The following FADS1 variants were observed in gnomAD, a reference collection of about 807,000 sequenced individuals.
FADS1 encodes fatty acid desaturase 1, also known as acyl-CoA (8-3)-desaturase.
Under a neutral mutation model 61.6 loss-of-function variants are expected in FADS1, and 17 were observed. That is an observed-to-expected ratio of 0.28 (90% CI 0.19 to 0.41). FADS1 has a LOEUF of 0.41. FADS1 is among the 10% of genes least tolerant of loss of function. The pLI is 1.00. For missense variants in FADS1, 387 were observed against 650.9 expected (o/e 0.59, Z 4.41); for synonymous variants, 238 against 258.7 (o/e 0.92, Z 0.77).
At position 61,810,883 on chromosome 11, in the gene FADS1, C is replaced by T. The variant is rs111407349; in HGVS notation, c.787-4G>A. On this transcript the variant is annotated splice_polypyrimidine_tract_variant and splice_region_variant and intron_variant, in intron 4 of 11. Transcript: ENST00000350997. ...TCCACCAACTGGCGGGGGCCCCCTA[C>T]AGAAAAGCAGGGACACGAGTATGAA... The T allele has an allele frequency of 1.9e-6, 3 of 1,614,168 alleles. No individual in the cohort carries two copies. Among genetic ancestry groups the T allele is most frequent in the Non-Finnish European group, 8.5e-7 (1 of 1,180,014 alleles).
At position 61,803,425 on chromosome 11, in the gene FADS1, G is replaced by C; in HGVS notation, c.1186C>G (p.Gln396Glu). The C allele has an allele frequency of 6.2e-7, 1 of 1,614,156 alleles. No homozygotes were observed. The highest frequency in any genetic ancestry group is 8.5e-7 in the Non-Finnish European group (1 of 1,180,004). Residue 396 changes from glutamine to glutamate, a missense_variant, in exon 9 of 12, where the codon CAG (glutamine) becomes GAG (glutamate). By Grantham distance (29) the Gln-to-Glu change is conservative. Around this residue, in one of 2 missense-constraint regions of FADS1, gnomAD observed 257 missense variants for 533.3 expected, o/e 0.48. Coordinates refer to ENST00000350997, the MANE Select transcript of FADS1 (RefSeq NM_013402.7). This position sits in a 1 kb window ranked among gnomAD's most constrained non-coding sequence, Gnocchi z 4.3. ...ATGTGCATGGGAATATGGTTCATCTGTGTCACCCACACAAACCAGTTGCTT... is the reference window on the plus strand; with the variant it reads ...ATGTGCATGGGAATATGGTTCATCTCTGTCACCCACACAAACCAGTTGCTT... Reference protein sequence around the residue: ...LESNWFVWVTQMNHIPMHIDH... With the variant: ...LESNWFVWVTEMNHIPMHIDH...
Position 61,815,905 on chromosome 11 carries a change from C to T in FADS1, c.375+650G>A. The T allele has an allele frequency of 3.4e-6, 1 of 293,384 alleles. No individual in the cohort carries two copies. The highest frequency in any genetic ancestry group is 6.5e-6 in the Non-Finnish European group (1 of 154,234). 18.2% of individuals were successfully genotyped at this position (293,384 alleles called of 1,614,324 possible). ...TCTGGGGGTCCTCGCTAAGTGTATG[C>T]CATTCCCAATCCCTTATGTACGCCA... On this transcript the variant is annotated intron_variant, in intron 1 of 11. Coordinates refer to ENST00000350997, the MANE Select transcript of FADS1 (RefSeq NM_013402.7). This position sits in a 1 kb window ranked among gnomAD's most constrained non-coding sequence, Gnocchi z 6.4.
intron 5 of FADS1, among the ~76,000 whole-genome samples, chr11:61,808,659 A>G (rs185319219): frequency 2.0e-5 from 3 of 152,340 alleles, no homozygotes; most frequent in East Asian, 1.9e-4. Flanking sequence ...GCTCCTTTCC[A>G]TAACAGTTCC....
At position 61,815,637 on chromosome 11, in the gene FADS1, C is replaced by T. The variant is rs964804045; in HGVS notation, c.375+918G>A. ...CTTTCGAGTCCCTAGGACTGAGTCC[C>T]CAGGACTCCAACCCAGCAGAGAGGC... is the stretch of plus-strand genomic sequence containing the variant. On this transcript the variant is annotated intron_variant, in intron 1 of 11. Coordinates refer to ENST00000350997, the MANE Select transcript of FADS1 (RefSeq NM_013402.7). The surrounding 1 kb of genome is among the most constrained non-coding windows in gnomAD (Gnocchi z 6.4). 5.2e-5 allele frequency: 8 copies of T among 153,494 alleles called. No homozygotes were observed. The highest frequency in any genetic ancestry group is 1.9e-4 in the East Asian group (1 of 5,184). 9.5% of individuals were successfully genotyped at this position (153,494 alleles called of 1,614,324 possible). A position where few individuals can be genotyped will look rare whatever the true frequency, so the allele number is the denominator to read the frequency against.
At chr11:61,812,320 A>C in intron 3 of FADS1, 151 bp downstream of exon 3, 1 of 657,486 alleles carries the variant, frequency 1.5e-6, no homozygotes, top group East Asian at 2.7e-5. Flanking sequence ...AGGTCAAGAC[A>C]GCAGAATGCA....
intron 6 of FADS1, chr11:61,805,000 G>A (rs560697613): frequency 5.4e-5 from 31 of 572,542 alleles, no homozygotes; most frequent in Admixed American, 5.3e-4. Flanking sequence ...GAAGGTGAGG[G>A]GTGCGAGTGG....
intron 7 of FADS1, chr11:61,804,163 G>A: frequency 4.5e-6 from 1 of 222,358 alleles, no homozygotes; most frequent in East Asian, 1.1e-4. Context: ...TCCACAATAT[G>A]TCTGGTGGTC....
intron 3 of FADS1, among the ~76,000 whole-genome samples, chr11:61,811,429 A>C (rs1325686584): frequency 1.4e-5 from 2 of 143,102 alleles, no homozygotes; most frequent in Admixed American, 1.4e-4. Context: ...CAGCCTCCCA[A>C]GTAGCTGGGA....
In FADS1 at chr11:61,816,919, C is replaced by A; in HGVS notation, c.11G>T (p.Arg4Leu). 1 of 1,399,764 alleles carries A rather than the reference C, an allele frequency of 7.1e-7. No homozygotes were observed. The highest frequency in any genetic ancestry group is 1.6e-5 in the South Asian group (1 of 64,192). The allele number at this position is 1,399,764 out of a possible 1,614,324, so 86.7% of individuals were successfully genotyped here. A position where few individuals can be genotyped will look rare whatever the true frequency, so the allele number is the denominator to read the frequency against. MGT[R>L]AARPAGLPCG... ...GGGCAGACCGGCGGGCCTCGCAGCG[C>A]GCGTTCCCATTGGCCGAGCCTCGTG... Residue 4 changes from arginine (R) to leucine (L), a missense_variant, in exon 1 of 12, where the codon CGC becomes CTC. Physicochemically the swap from Arg to Leu is moderately radical, Grantham distance 102. Around this residue, in one of 2 missense-constraint regions of FADS1, gnomAD observed 130 missense variants for 117.7 expected, o/e 1.10. Coordinates refer to ENST00000350997, the MANE Select transcript of FADS1 (RefSeq NM_013402.7). This position sits in a 1 kb window ranked among gnomAD's most constrained non-coding sequence, Gnocchi z 7.0.
At chr11:61,813,487 C>G in intron 1 of FADS1, 134 bp from the exon 2 acceptor site, 2 of 637,064 alleles carry the variant, frequency 3.1e-6, no homozygotes, top group Admixed American at 2.8e-5. Context: ...GCCAGATGGA[C>G]TTCCTGGGTC....
At chr11:61,806,491 C>T in intron 6 of FADS1, 173 bp downstream of exon 6, 1 of 630,170 alleles carries the variant, frequency 1.6e-6, no homozygotes, top group Non-Finnish European at 2.8e-6. Context: ...CTTCACTTCG[C>T]TCAGCTGAGA....
chr11:61,805,009 G>A, intron 6 of FADS1: 1 of 565,120 alleles, frequency 1.8e-6, no homozygotes, highest in East Asian at 2.9e-5. Context: ...GGGTGCGAGT[G>A]GCACTCTTCA....
intron 3 of FADS1, among the ~76,000 whole-genome samples, chr11:61,811,576 GATAACAGGCGTGAGCCACC>G (rs1565320505): frequency 6.7e-6 from 1 of 149,982 alleles, no homozygotes; most frequent in Admixed American, 6.6e-5. Flanking sequence ...AAACTGCTGG[GATAACAGGCGTGAGCCACC>G]ATACCTGGCC....
rs1178324545 is a variant in FADS1, at chr11:61,803,146, A to G, written c.1249-35T>C. Reference sequence around the variant, plus strand: ...AAGGTCAGGGGAGAGCATGTTGAATATCAGATGGAAAGGCCAGCCCAGCAT... The same window carrying G: ...AAGGTCAGGGGAGAGCATGTTGAATGTCAGATGGAAAGGCCAGCCCAGCAT... On this transcript the variant is annotated intron_variant, in intron 9 of 11. Transcript: ENST00000350997. The surrounding 1 kb of genome is among the most constrained non-coding windows in gnomAD (Gnocchi z 4.3). 2 of 1,603,742 alleles carry G rather than the reference A, an allele frequency of 1.2e-6. No homozygotes were observed. The highest frequency in any genetic ancestry group is 1.7e-6 in the Non-Finnish European group (2 of 1,170,776).
In FADS1 at chr11:61,803,093, C is replaced by T; in HGVS notation, c.1267G>A (p.Val423Ile). ...VSTQLQATCN[V>I]HKSAFNDWFS... ...CAGTCATTGAAGGCAGACTTGTGGACATTGCATGTGGCCTGGAGCTGGCGG... is the reference window on the plus strand; with the variant it reads ...CAGTCATTGAAGGCAGACTTGTGGATATTGCATGTGGCCTGGAGCTGGCGG... Residue 423 changes from valine to isoleucine, a missense_variant, in exon 10 of 12, where the codon GTC (valine) becomes ATC (isoleucine). By Grantham distance (29) the Val-to-Ile change is conservative. Transcript: ENST00000350997. This position sits in a 1 kb window ranked among gnomAD's most constrained non-coding sequence, Gnocchi z 4.3. The T allele has an allele frequency of 6.2e-7, 1 of 1,614,136 alleles. No homozygotes were observed. The highest frequency in any genetic ancestry group is 8.5e-7 in the Non-Finnish European group (1 of 1,180,022).
rs2066868441 is a variant in FADS1 at position 61,803,088 on chromosome 11, G to A, written c.1272C>T (p.His424=). 1 of 1,614,206 alleles carries A rather than the reference G, an allele frequency of 6.2e-7. No homozygotes were observed. The highest frequency in any genetic ancestry group is 8.5e-7 in the Non-Finnish European group (1 of 1,180,038). Residue 424 remains histidine, a synonymous_variant, in exon 10 of 12, where the codon CAC becomes CAT. Transcript: ENST00000350997. The surrounding 1 kb of genome is among the most constrained non-coding windows in gnomAD (Gnocchi z 4.3). ...STQLQATCNV[H]KSAFNDWFSG... is the part of the protein sequence containing the mutation. The stretch of plus-strand genomic sequence containing the variant: ...TGAACCAGTCATTGAAGGCAGACTT[G>A]TGGACATTGCATGTGGCCTGGAGCT...
rs900142306 is a variant in FADS1, at chr11:61,816,164, C to G, written c.375+391G>C. The G allele has an allele frequency of 5.1e-6, 6 of 1,165,686 alleles. No individual in the cohort carries two copies. The highest frequency in any genetic ancestry group is 7.2e-6 in the Non-Finnish European group (6 of 829,430). The allele number at this position is 1,165,686 out of a possible 1,614,324, so 72.2% of individuals were successfully genotyped here. A position where few individuals can be genotyped will look rare whatever the true frequency, so the allele number is the denominator to read the frequency against. On this transcript the variant is annotated intron_variant, in intron 1 of 11. Coordinates refer to ENST00000350997, the MANE Select transcript of FADS1 (RefSeq NM_013402.7). This position sits in a 1 kb window ranked among gnomAD's most constrained non-coding sequence, Gnocchi z 7.0. ...CCATCGAGACAGGATGTGACTCCCTCCCCTGGCCACTGACCCCCTCCCTCC... is the reference window on the plus strand; with the variant it reads ...CCATCGAGACAGGATGTGACTCCCTGCCCTGGCCACTGACCCCCTCCCTCC...
In FADS1 at chr11:61,799,675, C is replaced by T. The variant is rs1307284716; in HGVS notation, c.*2736G>A. 6.6e-6 allele frequency: 1 copy of T among 152,236 alleles called. No individual in the cohort carries two copies. The highest frequency in any genetic ancestry group is 2.4e-5 in the African/African-American group (1 of 41,422). The allele number at this position is 152,236 out of a possible 1,614,324, so 9.4% of individuals were successfully genotyped here. ...TTTCAACTTCATAGGGATGTGATAA[C>T]AAAATTGGCACACACAAAAAGAATA... is the stretch of plus-strand genomic sequence containing the variant. On this transcript the variant is annotated 3_prime_UTR_variant, in exon 12 of 12. Transcript: ENST00000350997.
At chr11:61,809,718 C>CG (rs1358511407) in intron 5 of FADS1, among the ~76,000 whole-genome samples, 1 of 152,144 alleles carries the variant, frequency 6.6e-6, no homozygotes, top group Non-Finnish European at 1.5e-5. Context: ...GGGAGTCAGA[C>CG]GGGGGACAGG....
Sources: gnomAD v4.1 joint callset for allele counts (sites outside exome capture counted in the v4.1 genomes callset) on GRCh38, gnomAD v4.1.1 for gene constraint, gnomAD v4.1.1 regional missense constraint, Gnocchi (gnomAD v3.1) non-coding constraint, MANE v1.5 for transcripts, NCBI Gene and HGNC (gene_info 2026-07-23, HGNC 2026-07-21) for gene names.